Variants in TMEM161B observed in about 807,000 individuals in gnomAD.
TMEM161B encodes the protein transmembrane protein 161B.
Under a neutral mutation model 61.8 loss-of-function variants are expected in TMEM161B, and 34 were observed. That is an observed-to-expected ratio of 0.55 (90% CI 0.42 to 0.73). The LOEUF is 0.73. Among genes scored for constraint, TMEM161B ranks in the 30% least tolerant of loss-of-function variants. TMEM161B has a pLI of 0.00. For synonymous variants in TMEM161B, 167 were observed against 192.8 expected, an observed-to-expected ratio of 0.87 and a Z score of 1.11; for missense variants, 456 against 558.5, an observed-to-expected ratio of 0.82 and a Z score of 1.85.
At chr5:88,242,654 G>C (rs1181529487) in intron 1 of TMEM161B, among the ~76,000 whole-genome samples, 2 of 151,712 alleles carry the variant, frequency 1.3e-5, no homozygotes, top group East Asian at 3.9e-4. Context: ...CTATAAAATT[G>C]AGTTAGAAAT....
Position 88,225,116 on chromosome 5 carries a change from T to C in TMEM161B, c.289+653A>G, listed in dbSNP as rs541969539. Among the ~76,000 whole-genome samples the C allele has an allele frequency of 1.6e-3, 242 of 151,996 alleles. 2 individuals carry two copies. The highest frequency in any genetic ancestry group is 3.4e-3 in the African/African-American group (143 of 41,472). ...CTGAGTAGCTGGGACTACAGGCGCCTGCCACCACGCCTGGCTAATTTTTTG... is the reference window on the plus strand; with the variant it reads ...CTGAGTAGCTGGGACTACAGGCGCCCGCCACCACGCCTGGCTAATTTTTTG... On this transcript the variant is annotated intron_variant, in intron 4 of 11. Coordinates refer to ENST00000296595, the MANE Select transcript of TMEM161B (RefSeq NM_153354.5).
At chr5:88,223,105 T>C (rs1227759338) in intron 4 of TMEM161B, among the ~76,000 whole-genome samples, 1 of 148,804 alleles carries the variant, frequency 6.7e-6, no homozygotes, top group Non-Finnish European at 1.5e-5. Flanking sequence ...ATAAACTACA[T>C]GCTAAAGCTA....
intron 1 of TMEM161B, among the ~76,000 whole-genome samples, chr5:88,256,675 T>C (rs780404): frequency 0.72 from 109,473 of 152,142 alleles, 39,532 homozygotes; most frequent in South Asian, 0.78. Flanking sequence ...CCCTTGAAAA[T>C]GGCATTCATC....
At chr5:88,267,403 T>C (rs188700240) in intron 1 of TMEM161B, among the ~76,000 whole-genome samples, 1 of 152,068 alleles carries the variant, frequency 6.6e-6, no homozygotes. Context: ...AGGAACTACA[T>C]TATTTTGAAG....
Position 88,202,955 on chromosome 5 carries a change from T to C in TMEM161B, c.914+7A>G. ...ATAAAAATCAGCCCTCAAATGCCCA[T>C]ACTTACAAAGGGATACTTTCTTTGC... On this transcript the variant is annotated splice_region_variant and intron_variant, in intron 9 of 11. Coordinates refer to ENST00000296595, the MANE Select transcript of TMEM161B (RefSeq NM_153354.5). The C allele has an allele frequency of 6.3e-7, 1 of 1,585,588 alleles. No individual in the cohort carries two copies. Among genetic ancestry groups the C allele is most frequent in the Non-Finnish European group, 8.7e-7 (1 of 1,154,374 alleles).
intron 1 of TMEM161B, among the ~76,000 whole-genome samples, chr5:88,241,944 C>T (rs1200756981): frequency 6.6e-6 from 1 of 151,722 alleles, no homozygotes; most frequent in Admixed American, 6.6e-5. Context: ...AATAATAGAG[C>T]ATCTTCTATA....
At chr5:88,205,260 A>G (rs1003566262) in intron 8 of TMEM161B, among the ~76,000 whole-genome samples, 1 of 152,214 alleles carries the variant, frequency 6.6e-6, no homozygotes, top group Non-Finnish European at 1.5e-5. Context: ...TTTGGTAGTT[A>G]GAAGTAATGT....
chr5:88,190,098 G>T (rs1253274994), downstream of TMEM161B: 1 of 700,758 alleles, frequency 1.4e-6, no homozygotes, highest in East Asian at 2.7e-5. Context: ...AGTTCGTGTT[G>T]GATAAGCCTC....
At chr5:88,216,385 C>T (rs1026998925) in intron 5 of TMEM161B, among the ~76,000 whole-genome samples, 9 of 152,228 alleles carry the variant, frequency 5.9e-5, no homozygotes, top group East Asian at 1.9e-4. Flanking sequence ...GACTTGATGT[C>T]GAGGGATAGG....
chr5:88,258,229 T>G (rs903183391), intron 1 of TMEM161B, among the ~76,000 whole-genome samples: 1 of 152,178 alleles, frequency 6.6e-6, no homozygotes, highest in Non-Finnish European at 1.5e-5. Flanking sequence ...GAAAACATAT[T>G]TTGTTGGCAA....
chr5:88,196,253 GC>G lies in TMEM161B; in HGVS notation c.1421del (p.Ser474ThrfsTer11), dbSNP rs1749611109. 6.2e-7 allele frequency: 1 copy of G among 1,612,642 alleles called. No individual in the cohort carries two copies. The highest frequency in any genetic ancestry group is 1.3e-5 in the African/African-American group (1 of 74,772). ...WWIAACLFST[S>X]LFGLFYHQYL... is the part of the protein sequence containing the mutation. ...ACTGGTGATAGAAAAGCCCAAAAAG[GC>G]TTGTAGAAAAGAGGCAAGCAGCAAT... On this transcript the variant is annotated frameshift_variant, in exon 12 of 12. Coordinates refer to ENST00000296595, the MANE Select transcript of TMEM161B (RefSeq NM_153354.5). LOFTEE classifies it high-confidence loss of function.
At chr5:88,243,662 A>G (rs1486278696) in intron 1 of TMEM161B, among the ~76,000 whole-genome samples, 1 of 151,944 alleles carries the variant, frequency 6.6e-6, no homozygotes. Flanking sequence ...TTATTTGAGA[A>G]GTCGCCAAAC....
In TMEM161B at chr5:88,207,039, T is replaced by C. The variant is rs759291050; in HGVS notation, c.588A>G (p.Gly196=). ...LIVTENYLEF[G]LETGFTNFSD... ...GTATGAAACTATTACCTGTTTCAAG[T>C]CCAAATTCCAGATAATTTTCTGTTA... is the stretch of plus-strand genomic sequence containing the variant. Residue 196 remains glycine (G), a synonymous_variant, in exon 6 of 12, where the codon GGA becomes GGG. Coordinates refer to ENST00000296595, the MANE Select transcript of TMEM161B (RefSeq NM_153354.5). The C allele has an allele frequency of 1.1e-5, 18 of 1,611,444 alleles. No homozygotes were observed. Among genetic ancestry groups the C allele is most frequent in the Non-Finnish European group, 1.5e-5 (18 of 1,179,398 alleles).
At chr5:88,246,089 T>C (rs1753577492) in intron 1 of TMEM161B, among the ~76,000 whole-genome samples, 1 of 151,868 alleles carries the variant, frequency 6.6e-6, no homozygotes, top group Non-Finnish European at 1.5e-5. Context: ...TAAAATAATG[T>C]TCAATACAAA....
intron 11 of TMEM161B, among the ~76,000 whole-genome samples, 169 bp from the exon 12 acceptor site, chr5:88,196,657 T>A (rs1208608448): frequency 1.3e-5 from 2 of 152,016 alleles, no homozygotes; most frequent in African/African-American, 4.8e-5. Context: ...TGTAAAAAAT[T>A]AACCTGACTA....
intron 1 of TMEM161B, among the ~76,000 whole-genome samples, chr5:88,252,516 T>A: frequency 6.6e-6 from 1 of 152,102 alleles, no homozygotes; most frequent in African/African-American, 2.4e-5. Flanking sequence ...AGAACAAAAA[T>A]CTACTTCAGA....
rs115072407 is a variant in TMEM161B, at chr5:88,231,587, G to A, written c.108-3059C>T. Among the ~76,000 whole-genome samples the A allele has an allele frequency of 6.5e-3, 996 of 152,184 alleles. 9 individuals carry two copies. The highest frequency in any genetic ancestry group is 0.022 in the African/African-American group (923 of 41,510). Reference sequence around the variant, plus strand: ...CTCAAAAACAGTAACTGAACCAAACGGAATTCAGTTCTTTGCCTAATGAAT... The same window carrying A: ...CTCAAAAACAGTAACTGAACCAAACAGAATTCAGTTCTTTGCCTAATGAAT... On this transcript the variant is annotated intron_variant, in intron 2 of 11. Transcript: ENST00000296595.
chr5:88,209,469 C>G (rs1351393035), intron 5 of TMEM161B, among the ~76,000 whole-genome samples: 1 of 152,134 alleles, frequency 6.6e-6, no homozygotes, highest in Non-Finnish European at 1.5e-5. Context: ...CACCTACCAC[C>G]ACACTTTGTT....
intron 3 of TMEM161B, among the ~76,000 whole-genome samples, chr5:88,227,191 A>G (rs1190353988): frequency 6.6e-6 from 1 of 152,208 alleles, no homozygotes; most frequent in Non-Finnish European, 1.5e-5. Context: ...CTCTTTCTAC[A>G]TAACTAAATT....
Sources: gnomAD v4.1 joint callset for allele counts (sites outside exome capture counted in the v4.1 genomes callset) on GRCh38, gnomAD v4.1.1 for gene constraint, MANE v1.5 for transcripts, NCBI Gene and HGNC (gene_info 2026-07-23, HGNC 2026-07-21) for gene names.